PRKCA: variants seen among roughly 807,000 people sequenced by gnomAD.
The protein encoded by PRKCA is protein kinase C alpha, also known as protein kinase C alpha type.
Under a neutral mutation model 87.0 loss-of-function variants are expected in PRKCA, and 27 were observed. The ratio of observed to expected loss-of-function variants is 0.31; its 90% CI spans 0.23 to 0.43. PRKCA has a LOEUF of 0.43. Ranked by LOEUF, PRKCA falls within the 20% of genes least tolerant of loss-of-function variation. The pLI is 1.00. For missense variants in PRKCA, 518 were observed against 852.3 expected, an observed-to-expected ratio of 0.61 and a Z score of 4.88; for synonymous variants, 329 against 311.1, an observed-to-expected ratio of 1.06 and a Z score of -0.61.
At chr17:66,653,479 T>C (rs2143856648) in intron 5 of PRKCA, among the ~76,000 whole-genome samples, 1 of 152,274 alleles carries the variant, frequency 6.6e-6, no homozygotes, top group African/African-American at 2.4e-5. Flanking sequence ...TAGTCCCAGC[T>C]ACTCAGGAGG....
intron 2 of PRKCA, among the ~76,000 whole-genome samples, chr17:66,368,298 ATG>A (rs931055675): frequency 7.6e-4 from 107 of 141,204 alleles, no homozygotes; most frequent in Admixed American, 3.6e-4. Flanking sequence ...ACACACATAT[ATG>A]TGTGTGTGTG....
intron 5 of PRKCA, among the ~76,000 whole-genome samples, chr17:66,670,980 G>A (rs1389911442): frequency 1.3e-5 from 2 of 151,940 alleles, no homozygotes; most frequent in Non-Finnish European, 2.9e-5. Flanking sequence ...GGGAGGCCGA[G>A]GTGGGCAGAT....
rs1033198389 is a variant in PRKCA, at chr17:66,804,981, T to G, written c.*944T>G. 5.1e-6 allele frequency: 5 copies of G among 984,754 alleles called. 1 individual carries two copies. The highest frequency in any genetic ancestry group is 1.2e-4 in the Admixed American group (2 of 16,260). 61.0% of individuals were successfully genotyped at this position (984,754 alleles called of 1,614,324 possible). A position where few individuals can be genotyped will look rare whatever the true frequency, so the allele number is the denominator to read the frequency against. The stretch of plus-strand genomic sequence containing the variant: ...TCTCAAGAAGCTGAAGTGTACGCCC[T>G]CTCCCCTTTTGTGCTTATTTATTTA... On this transcript the variant is annotated 3_prime_UTR_variant, in exon 17 of 17. Coordinates refer to ENST00000413366, the MANE Select transcript of PRKCA (RefSeq NM_002737.3).
chr17:66,619,169 C>T (rs538555101), intron 3 of PRKCA, among the ~76,000 whole-genome samples: 91 of 152,246 alleles, frequency 6.0e-4, no homozygotes, highest in Non-Finnish European at 1.1e-3. Context: ...AGTAGTGGTT[C>T]TTTACTAAGA....
At chr17:66,777,206 G>A in intron 14 of PRKCA, 2 of 985,408 alleles carry the variant, frequency 2.0e-6, no homozygotes, top group Non-Finnish European at 2.4e-6. Context: ...GTAACACTGT[G>A]ACCATGAACG....
At chr17:66,468,340 C>T (rs1915177715) in intron 2 of PRKCA, among the ~76,000 whole-genome samples, 1 of 152,176 alleles carries the variant, frequency 6.6e-6, no homozygotes. Context: ...ACTGAGGACT[C>T]TGTCCTCATT....
intron 3 of PRKCA, among the ~76,000 whole-genome samples, chr17:66,586,266 G>T (rs1969595337): frequency 6.6e-6 from 1 of 152,166 alleles, no homozygotes; most frequent in South Asian, 2.1e-4. Flanking sequence ...GAAAGTGGCT[G>T]CCTTCTTTCC....
intron 2 of PRKCA, among the ~76,000 whole-genome samples, chr17:66,393,790 TTGGC>T (rs1910506085): frequency 6.6e-6 from 1 of 152,024 alleles, no homozygotes; most frequent in African/African-American, 2.4e-5. Flanking sequence ...GAGGATACCT[TTGGC>T]TGGGCGTGGT....
intron 2 of PRKCA, among the ~76,000 whole-genome samples, chr17:66,362,004 G>A (rs946910838): frequency 1.3e-5 from 2 of 152,044 alleles, no homozygotes; most frequent in Admixed American, 6.6e-5. Flanking sequence ...AGCCACTTGC[G>A]TGTTCTAGAA....
At chr17:66,540,900 T>A (rs1271811763) in intron 3 of PRKCA, among the ~76,000 whole-genome samples, 2 of 152,192 alleles carry the variant, frequency 1.3e-5, no homozygotes, top group Non-Finnish European at 2.9e-5. Context: ...TGAGCCTCCC[T>A]TTTCTCAGCT....
At chr17:66,516,874 C>T (rs146887194) in intron 3 of PRKCA, among the ~76,000 whole-genome samples, 140 of 152,138 alleles carry the variant, frequency 9.2e-4, no homozygotes, top group Middle Eastern at 3.4e-3. Flanking sequence ...TGATCTGGGC[C>T]GAAGCAGCAG....
At chr17:66,348,426 G>T (rs544052847) in intron 2 of PRKCA, among the ~76,000 whole-genome samples, 2 of 152,154 alleles carry the variant, frequency 1.3e-5, no homozygotes, top group Non-Finnish European at 2.9e-5. Context: ...TGCACCATCA[G>T]TGCAAACGTC....
intron 16 of PRKCA, among the ~76,000 whole-genome samples, chr17:66,799,061 G>GTGGTGGTGA (rs1975792194): frequency 3.1e-5 from 1 of 32,456 alleles, no homozygotes; most frequent in Non-Finnish European, 7.6e-5. Context: ...GATGGTGGTG[G>GTGGTGGTGA]TGGTGGTGGT....
rs565621140 is a variant in PRKCA at position 66,679,203 on chromosome 17, C to T, written c.530-7908C>T. On this transcript the variant is annotated intron_variant, in intron 5 of 16. Coordinates refer to ENST00000413366, the MANE Select transcript of PRKCA (RefSeq NM_002737.3). ...TTTTTTTTTTTTTTTTTCTTTGAGA[C>T]AGAGTCTTGCTCTGTCACCCAGGCT... 4.7e-5 allele frequency among the ~76,000 whole-genome samples: 6 copies of T among 128,222 alleles called. 1 individual carries two copies. The South Asian group carries it at 1.3e-3, about 27-fold the overall frequency. 84.1% of individuals were successfully genotyped at this position (128,222 alleles called of 152,430 possible).
chr17:66,541,623 G>C (rs567491903), intron 3 of PRKCA, among the ~76,000 whole-genome samples: 1 of 152,346 alleles, frequency 6.6e-6, no homozygotes, highest in South Asian at 2.1e-4. Context: ...CTGACGTCCA[G>C]TCCACGCCTC....
At chr17:66,506,447 C>T (rs1404216220) in intron 3 of PRKCA, among the ~76,000 whole-genome samples, 1 of 152,078 alleles carries the variant, frequency 6.6e-6, no homozygotes, top group Non-Finnish European at 1.5e-5. Context: ...TCTTTGAAAG[C>T]CGAGTGCCTG....
chr17:66,446,417 T>C (rs147616900), intron 2 of PRKCA, among the ~76,000 whole-genome samples: 8 of 152,314 alleles, frequency 5.3e-5, no homozygotes, highest in Admixed American at 2.6e-4. Flanking sequence ...TTCTTCCTCA[T>C]TGGCCTTGCT....
rs181835232 is a variant in PRKCA, at chr17:66,632,708, A to G, written c.289-8647A>G. On this transcript the variant is annotated intron_variant, in intron 3 of 16. Coordinates refer to ENST00000413366, the MANE Select transcript of PRKCA (RefSeq NM_002737.3). ...TGGCTTGCTGTTTTCATTAGACAAT[A>G]TATCTTAGAGATCTGTCCATGATTT... Among the ~76,000 whole-genome samples, 28 of 152,328 alleles carry G rather than the reference A, an allele frequency of 1.8e-4. No individual in the cohort carries two copies. The East Asian group carries it at 5.2e-3, about 28-fold the overall frequency.
chr17:66,602,964 GTC>G (rs1970096898), intron 3 of PRKCA, among the ~76,000 whole-genome samples: 1 of 152,154 alleles, frequency 6.6e-6, no homozygotes. Flanking sequence ...ACTTTGCTGA[GTC>G]TCTCTTTCCC....
Sources: allele counts gnomAD v4.1 joint callset (sites outside exome capture counted in the v4.1 genomes callset), GRCh38; gene constraint gnomAD v4.1.1; transcripts MANE v1.5; gene names NCBI Gene and HGNC (gene_info 2026-07-23, HGNC 2026-07-21).